The following MRPS31 variants were observed in gnomAD, a reference collection of about 807,000 sequenced individuals.
MRPS31 encodes the protein small ribosomal subunit protein mS31.
In MRPS31, 32 loss-of-function variants were observed where a neutral mutation model predicts 43.1. That is an observed-to-expected ratio of 0.74 (90% CI 0.56 to 1.00). The LOEUF is 1.00. Ranked by LOEUF, MRPS31 falls within the 50% of genes least tolerant of loss-of-function variation. MRPS31 has a pLI of 0.00. For missense variants in MRPS31, 437 were observed against 466.7 expected, an observed-to-expected ratio of 0.94 and a Z score of 0.59; for synonymous variants, 165 against 161.6, an observed-to-expected ratio of 1.02 and a Z score of -0.16.
At chr13:40,755,267 G>A (rs1593449374) in intron 4 of MRPS31, among the ~76,000 whole-genome samples, 1 of 152,176 alleles carries the variant, frequency 6.6e-6, no homozygotes, top group Admixed American at 6.5e-5. Flanking sequence ...TCAGTGCCTT[G>A]CATTCTTCTC....
chr13:40,745,213 C>T (rs561702440), intron 6 of MRPS31, among the ~76,000 whole-genome samples: 13 of 152,218 alleles, frequency 8.5e-5, no homozygotes, highest in Middle Eastern at 3.4e-3. Context: ...TGAGCCACTG[C>T]GCCCGGCCAT....
In MRPS31 at chr13:40,749,680, GAAGTT is replaced by G. The variant is rs138115556; in HGVS notation, c.815-404_815-400del. 7.1e-3 allele frequency: 1,094 copies of G among 153,090 alleles called. 13 individuals carry two copies. Among genetic ancestry groups the G allele is most frequent in the African/African-American group, 0.025 (1,054 of 41,562 alleles). The allele number at this position is 153,090 out of a possible 1,614,324, so 9.5% of individuals were successfully genotyped here. On this transcript the variant is annotated intron_variant, in intron 5 of 6. Coordinates refer to ENST00000323563, the MANE Select transcript of MRPS31 (RefSeq NM_005830.4). Reference sequence around the variant, plus strand: ...AAATGTACTACTGTTAACAACCAAAGAAGTTAAATTAACAGAATAACAATAAAACT... The same window carrying G: ...AAATGTACTACTGTTAACAACCAAAGAAATTAACAGAATAACAATAAAACT...
chr13:40,753,979 A>C (rs749222982), intron 5 of MRPS31, 40 bp downstream of exon 5: 3 of 1,235,306 alleles, frequency 2.4e-6, no homozygotes, highest in South Asian at 2.5e-5. Context: ...GAACGATGGA[A>C]TGTTTCTCCA....
intron 1 of MRPS31, among the ~76,000 whole-genome samples, 170 bp from the exon 2 acceptor site, chr13:40,767,203 G>A (rs574474390): frequency 2.0e-4 from 30 of 151,576 alleles, no homozygotes; most frequent in African/African-American, 7.3e-4. Flanking sequence ...TGTTGCCCAG[G>A]CTGGAGTGCA....
Position 40,771,180 on chromosome 13 carries a change from G to A in MRPS31, c.-44C>T. On this transcript the variant is annotated 5_prime_UTR_variant, in exon 1 of 7. It adds an upstream start codon to the 5' untranslated region. Transcript: ENST00000323563. ...ACCAAGAACACAACTGAAATGGTGC[G>A]TCCCGCTGCCAAACACGTCCCCGCC... 6.5e-7 allele frequency: 1 copy of A among 1,542,482 alleles called. No individual in the cohort carries two copies. The highest frequency in any genetic ancestry group is 8.8e-7 in the Non-Finnish European group (1 of 1,140,412).
intron 1 of MRPS31, among the ~76,000 whole-genome samples, chr13:40,769,394 ATATATATAT>A (rs1471642355): frequency 5.4e-5 from 5 of 92,376 alleles, no homozygotes; most frequent in Non-Finnish European, 7.7e-5. Context: ...ATATATATAT[ATATATATAT>A]ATATATATAT....
At chr13:40,757,726 G>A (rs1487067205) in intron 3 of MRPS31, among the ~76,000 whole-genome samples, 1 of 148,706 alleles carries the variant, frequency 6.7e-6, no homozygotes, top group Non-Finnish European at 1.5e-5. Flanking sequence ...TTACAGGCGT[G>A]AGCCAGTGCG....
At chr13:40,731,862 A>G (rs1879709728) in intron 6 of MRPS31, among the ~76,000 whole-genome samples, 1 of 152,300 alleles carries the variant, frequency 6.6e-6, no homozygotes, top group African/African-American at 2.4e-5. Flanking sequence ...GATAAAGTAG[A>G]TCAACAGTCT....
intron 6 of MRPS31, among the ~76,000 whole-genome samples, chr13:40,734,457 T>G (rs1184273909): frequency 6.6e-6 from 1 of 152,134 alleles, no homozygotes; most frequent in Non-Finnish European, 1.5e-5. Flanking sequence ...AATATTTTTG[T>G]GCATGTGAAT....
chr13:40,749,920 CAT>C (rs1566107931), intron 5 of MRPS31, among the ~76,000 whole-genome samples: 1 of 152,154 alleles, frequency 6.6e-6, no homozygotes, highest in African/African-American at 2.4e-5. Context: ...CTGCTGGGAA[CAT>C]AAAATGGTAC....
chr13:40,760,128 C>T (rs1880650266), intron 2 of MRPS31, among the ~76,000 whole-genome samples: 1 of 107,356 alleles, frequency 9.3e-6, no homozygotes, highest in African/African-American at 4.5e-5. Flanking sequence ...CAGAACTAGA[C>T]TCTGTCAAAA....
intron 6 of MRPS31, among the ~76,000 whole-genome samples, chr13:40,733,664 T>G (rs1251547122): frequency 1.3e-5 from 2 of 152,100 alleles, no homozygotes; most frequent in East Asian, 3.9e-4. Flanking sequence ...AAAAGCATTC[T>G]CAACAACATA....
intron 6 of MRPS31, among the ~76,000 whole-genome samples, chr13:40,747,780 T>C (rs577835844): frequency 2.0e-5 from 3 of 151,538 alleles, no homozygotes; most frequent in African/African-American, 7.3e-5. Context: ...GAGGAGGAGG[T>C]TGCAGTGAGC....
intron 6 of MRPS31, among the ~76,000 whole-genome samples, chr13:40,731,501 G>A (rs935398333): frequency 6.6e-6 from 1 of 151,076 alleles, no homozygotes; most frequent in African/African-American, 2.4e-5. Flanking sequence ...AGAACTGCTT[G>A]AACCTGGCAG....
Position 40,740,192 on chromosome 13 carries a change from C to T in MRPS31, c.958+8946G>A, listed in dbSNP as rs1297202685. Among the ~76,000 whole-genome samples, 10 of 138,306 alleles carry T rather than the reference C, an allele frequency of 7.2e-5. 1 individual carries two copies. Among genetic ancestry groups the T allele is most frequent in the South Asian group, 5.1e-4 (2 of 3,948 alleles). 90.7% of individuals were successfully genotyped at this position (138,306 alleles called of 152,430 possible). On this transcript the variant is annotated intron_variant, in intron 6 of 6. Coordinates refer to ENST00000323563, the MANE Select transcript of MRPS31 (RefSeq NM_005830.4). ...CAAAAAACACATGAAAAAATGCTCACCATCACTGGCCATCAGAGAAATGCA... is the reference window on the plus strand; with the variant it reads ...CAAAAAACACATGAAAAAATGCTCATCATCACTGGCCATCAGAGAAATGCA...
At chr13:40,749,452 G>GT (rs1880328909) in intron 5 of MRPS31, 171 bp from the exon 6 acceptor site, 2 of 423,162 alleles carry the variant, frequency 4.7e-6, no homozygotes, top group South Asian at 1.1e-4. Context: ...ATTAAAAATT[G>GT]TAACTACAAT....
chr13:40,760,497 T>C (rs193117459), intron 2 of MRPS31, among the ~76,000 whole-genome samples: 4 of 152,338 alleles, frequency 2.6e-5, no homozygotes, highest in Admixed American at 2.6e-4. Context: ...AAAGGCGTTA[T>C]ACCATTTTGT....
At chr13:40,746,735 G>A (rs931188751) in intron 6 of MRPS31, among the ~76,000 whole-genome samples, 4 of 152,070 alleles carry the variant, frequency 2.6e-5, no homozygotes, top group Non-Finnish European at 5.9e-5. Flanking sequence ...AATATTTTAA[G>A]ATTTAAAATG....
chr13:40,737,790 G>C (rs886756599), intron 6 of MRPS31, among the ~76,000 whole-genome samples: 2 of 152,000 alleles, frequency 1.3e-5, no homozygotes, highest in Non-Finnish European at 2.9e-5. Context: ...TCAAAGCAGT[G>C]TGTAGAGGGA....
Sources: allele counts gnomAD v4.1 joint callset (sites outside exome capture counted in the v4.1 genomes callset), GRCh38; gene constraint gnomAD v4.1.1; transcripts MANE v1.5; gene names NCBI Gene and HGNC (gene_info 2026-07-23, HGNC 2026-07-21).